THRAP3: variants seen among roughly 807,000 people sequenced by gnomAD.
THRAP3 encodes the protein thyroid hormone receptor-associated protein 3.
A neutral mutation model predicts 101.0 loss-of-function variants in THRAP3; 16 were observed. That is an observed-to-expected ratio of 0.16 (90% CI 0.11 to 0.24). The LOEUF (loss-of-function observed/expected upper bound fraction) is 0.24, where lower values mean the gene tolerates loss of function less well. THRAP3 is among the 10% of genes least tolerant of loss of function. The pLI, the probability that THRAP3 is intolerant of heterozygous loss-of-function variation, is 1.00. For missense variants in THRAP3, 989 were observed against 1,202.7 expected (o/e 0.82, Z 2.63); for synonymous variants, 407 against 422.6 (o/e 0.96, Z 0.45).
At chr1:36,292,460 C>T (rs11576244) in intron 6 of THRAP3, 138 bp from the exon 7 acceptor site, 183,510 of 551,796 alleles carry the variant, frequency 0.33, 34,305 homozygotes, top group Middle Eastern at 0.4. Context: ...TTAGTAGAGA[C>T]GGGGTTTCAC....
intron 2 of THRAP3, among the ~76,000 whole-genome samples, chr1:36,275,252 T>G (rs1645643298): frequency 7.1e-6 from 1 of 141,476 alleles, no homozygotes; most frequent in African/African-American, 2.7e-5. Context: ...ATCGCACCAC[T>G]GCACTCCAGC....
intron 1 of THRAP3, among the ~76,000 whole-genome samples, chr1:36,246,232 A>C (rs1645229184): frequency 6.6e-6 from 1 of 152,140 alleles, no homozygotes; most frequent in African/African-American, 2.4e-5. Flanking sequence ...ATCTGTGAGA[A>C]TTTCAAGCAC....
At chr1:36,235,028 G>C (rs1645069500) in intron 1 of THRAP3, among the ~76,000 whole-genome samples, 2 of 152,102 alleles carry the variant, frequency 1.3e-5, no homozygotes, top group Non-Finnish European at 2.9e-5. Flanking sequence ...TGGCCAGGCA[G>C]GTTTCGAACT....
chr1:36,297,591 G>A (rs1319151519), intron 9 of THRAP3, among the ~76,000 whole-genome samples: 1 of 151,634 alleles, frequency 6.6e-6, no homozygotes, highest in Non-Finnish European at 1.5e-5. Context: ...TGGGATTACA[G>A]GTGCCCACTA....
intron 1 of THRAP3, among the ~76,000 whole-genome samples, chr1:36,245,717 T>C (rs1570254971): frequency 6.6e-6 from 1 of 152,212 alleles, no homozygotes; most frequent in African/African-American, 2.4e-5. Context: ...AGGCTAGCTA[T>C]GTTTTGGTTC....
chr1:36,303,287 C>G (rs865791446), intron 11 of THRAP3, among the ~76,000 whole-genome samples: 3 of 152,030 alleles, frequency 2.0e-5, no homozygotes, highest in Non-Finnish European at 4.4e-5. Context: ...TCTTAGCTGC[C>G]TAACAACCCA....
rs1457513013 is a variant in THRAP3 at position 36,303,898 on chromosome 1, A to G, written c.2749A>G (p.Ser917Gly). ...GRGRFMFRKS[S>G]TSPKWAHDKF... ...GGGCCGGTTCATGTTCCGGAAATCA[A>G]GTACCAGCCCCAAGTGGGCCCATGA... Residue 917 changes from serine to glycine, a missense_variant, in exon 12 of 12, where the codon AGT becomes GGT. By Grantham distance (56) the Ser-to-Gly change is moderately conservative. Coordinates refer to ENST00000354618, the MANE Select transcript of THRAP3 (RefSeq NM_005119.4). 1 of 1,613,672 alleles carries G rather than the reference A, an allele frequency of 6.2e-7. No individual in the cohort carries two copies. The highest frequency in any genetic ancestry group is 8.5e-7 in the Non-Finnish European group (1 of 1,179,898).
intron 9 of THRAP3, among the ~76,000 whole-genome samples, chr1:36,299,409 A>T (rs984025889): frequency 4.0e-5 from 6 of 151,798 alleles, no homozygotes; most frequent in Non-Finnish European, 8.8e-5. Context: ...ACTGCACTCC[A>T]GCCTGGCGAC....
intron 2 of THRAP3, among the ~76,000 whole-genome samples, chr1:36,266,162 A>AG (rs1645511937): frequency 6.7e-6 from 1 of 148,876 alleles, no homozygotes; most frequent in Non-Finnish European, 1.5e-5. Context: ...CAAAAAAAGA[A>AG]AAAAAAAAAA....
At chr1:36,288,813 T>C (rs1480505623) in intron 4 of THRAP3, 9 of 985,352 alleles carry the variant, frequency 9.1e-6, no homozygotes, top group South Asian at 4.7e-5. Context: ...TTGTTCTCTT[T>C]GGTTGCTTTT....
intron 5 of THRAP3, among the ~76,000 whole-genome samples, chr1:36,290,321 G>A (rs547315531): frequency 3.7e-4 from 55 of 147,620 alleles, no homozygotes; most frequent in Middle Eastern, 3.6e-3. Flanking sequence ...TCAGCCTCCC[G>A]AGTAGCTGGG....
At chr1:36,280,922 T>A (rs990595921) in intron 2 of THRAP3, among the ~76,000 whole-genome samples, 2 of 151,682 alleles carry the variant, frequency 1.3e-5, no homozygotes, top group African/African-American at 2.4e-5. Context: ...TGACTCTTTA[T>A]TTTTATTTAT....
rs761746318 is a variant in THRAP3, at chr1:36,289,465, A to G, written c.1446A>G (p.Glu482=). The G allele has an allele frequency of 6.2e-7, 1 of 1,614,202 alleles. No homozygotes were observed. The highest frequency in any genetic ancestry group is 8.5e-7 in the Non-Finnish European group (1 of 1,180,036). Residue 482 remains glutamate (E), a synonymous_variant, in exon 5 of 12, where the codon GAA becomes GAG. Coordinates refer to ENST00000354618, the MANE Select transcript of THRAP3 (RefSeq NM_005119.4). The part of the protein sequence containing the change: ...EGLVYAPPGK[E]KQRKTEELEE... ...TGGTATATGCACCTCCAGGGAAGGA[A>G]AAGCAGAGAAAAACAGAGGAGCTGG...
At chr1:36,277,751 T>A (rs1056055340) in intron 2 of THRAP3, among the ~76,000 whole-genome samples, 103 of 152,084 alleles carry the variant, frequency 6.8e-4, no homozygotes, top group African/African-American at 2.3e-3. Context: ...TTGGGTTTTT[T>A]AAAAAATTAT....
chr1:36,249,948 G>T (rs1340090388), intron 1 of THRAP3, among the ~76,000 whole-genome samples: 1 of 152,098 alleles, frequency 6.6e-6, no homozygotes, highest in African/African-American at 2.4e-5. Context: ...TTGGAGGAAT[G>T]ACATGATCAT....
intron 3 of THRAP3, among the ~76,000 whole-genome samples, chr1:36,284,101 C>CTAAA (rs1645766909): frequency 6.6e-6 from 1 of 152,044 alleles, no homozygotes; most frequent in Admixed American, 6.5e-5. Context: ...CTAGAAGAAA[C>CTAAA]TAAATAATTG....
Position 36,291,421 on chromosome 1 carries a change from T to A in THRAP3, c.1793T>A (p.Val598Asp), listed in dbSNP as rs575309536. ...AQERKLCRDL[V>D]HSNKKEQEFR... ...GAACGCAAGCTTTGCCGAGATCTAG[T>A]CCATAGCAACAAAAAGGAACAGGAG... is the stretch of plus-strand genomic sequence containing the variant. Residue 598 changes from valine to aspartate, a missense_variant, in exon 6 of 12, where the codon GTC becomes GAC. Physicochemically the swap from Val to Asp is radical, Grantham distance 152. Transcript: ENST00000354618. The A allele has an allele frequency of 6.2e-7, 1 of 1,614,166 alleles. No homozygotes were observed. Among genetic ancestry groups the A allele is most frequent in the Non-Finnish European group, 8.5e-7 (1 of 1,180,018 alleles).
intron 6 of THRAP3, among the ~76,000 whole-genome samples, chr1:36,292,239 G>C (rs1645879799): frequency 7.6e-6 from 1 of 131,794 alleles, no homozygotes; most frequent in South Asian, 2.5e-4. Context: ...GTCTGCCTTT[G>C]GTAACATAAT....
At chr1:36,296,486 T>TG in intron 8 of THRAP3, 97 bp from the exon 9 acceptor site, 1 of 967,306 alleles carries the variant, frequency 1.0e-6, no homozygotes, top group Non-Finnish European at 1.5e-6. Context: ...GTGCTTCCTC[T>TG]GCACCCCTCC....
Sources: gnomAD v4.1 joint callset for allele counts (sites outside exome capture counted in the v4.1 genomes callset) on GRCh38, gnomAD v4.1.1 for gene constraint, MANE v1.5 for transcripts, NCBI Gene and HGNC (gene_info 2026-07-23, HGNC 2026-07-21) for gene names.